The following ATP8B2 variants were observed in gnomAD, a reference collection of about 807,000 sequenced individuals.
The protein encoded by ATP8B2 is ATPase phospholipid transporting 8B2.
In ATP8B2, 70 loss-of-function variants were observed where a neutral mutation model predicts 133.4. That is an observed-to-expected ratio of 0.52 (90% CI 0.43 to 0.64). The LOEUF is 0.64. Ranked by LOEUF, ATP8B2 falls within the 30% of genes least tolerant of loss-of-function variation. The pLI, the probability that ATP8B2 is intolerant of heterozygous loss-of-function variation, is 0.00. For missense variants in ATP8B2, 1,101 were observed against 1,535.7 expected (o/e 0.72, Z 4.73); for synonymous variants, 517 against 589.5 (o/e 0.88, Z 1.78).
At chr1:154,329,900 C>A (rs1016175096) in intron 2 of ATP8B2, among the ~76,000 whole-genome samples, 1 of 152,158 alleles carries the variant, frequency 6.6e-6, no homozygotes, top group African/African-American at 2.4e-5. Context: ...TCCCGCAGAG[C>A]AGCTCCAGGG....
In ATP8B2 at chr1:154,346,299, C is replaced by T; in HGVS notation, c.2847C>T (p.Phe949=). 1.9e-6 allele frequency: 3 copies of T among 1,614,192 alleles called. No individual in the cohort carries two copies. The highest frequency in any genetic ancestry group is 2.5e-6 in the Non-Finnish European group (3 of 1,180,036). ...LYEPGQLNLL[F]NKREFFICIA... ...AGCCGGGCCAGCTGAACCTTCTCTT[C>T]AACAAGCGGGAGTTCTTCATCTGCA... Residue 949 remains phenylalanine (F), a synonymous_variant, in exon 25 of 28, where the codon TTC becomes TTT. Transcript: ENST00000368489. This position sits in a 1 kb window ranked among gnomAD's most constrained non-coding sequence, Gnocchi z 4.5.
chr1:154,328,727 C>T lies in ATP8B2; in HGVS notation c.31+555C>T, dbSNP rs1360996257. 3.3e-6 allele frequency: 3 copies of T among 903,202 alleles called. No individual in the cohort carries two copies. The highest frequency in any genetic ancestry group is 2.7e-6 in the Non-Finnish European group (2 of 754,228). 55.9% of individuals were successfully genotyped at this position (903,202 alleles called of 1,614,324 possible). ...GGGGCGGAACCCTGGGCGTGCTCGG[C>T]GTGTCCGGGGCCACTCAGCGCACGC... is the stretch of plus-strand genomic sequence containing the variant. On this transcript the variant is annotated intron_variant, in intron 2 of 27. Coordinates refer to ENST00000368489, the MANE Select transcript of ATP8B2 (RefSeq NM_001370597.1). This position sits in a 1 kb window ranked among gnomAD's most constrained non-coding sequence, Gnocchi z 4.6.
Position 154,330,869 on chromosome 1 carries a change from C to T in ATP8B2, c.145C>T (p.Leu49Phe), listed in dbSNP as rs146860968. Reference protein sequence around the residue: ...YNILTFLPVNLFEQFQEVANT... With the variant: ...YNILTFLPVNFFEQFQEVANT... ...TATTCTCACCTTCCTGCCTGTCAAC[C>T]TCTTTGAGCAGTTCCAGGAAGTTGC... is the stretch of plus-strand genomic sequence containing the variant. The change falls in exon 4 of 28, where the codon CTC becomes TTC. Residue 49 changes from leucine (L) to phenylalanine (F), a missense_variant. Leu to Phe is a conservative substitution (Grantham distance 22). Transcript: ENST00000368489. The T allele has an allele frequency of 7.9e-4, 1,274 of 1,614,186 alleles. No homozygotes were observed. The highest frequency in any genetic ancestry group is 1.0e-3 in the Non-Finnish European group (1,209 of 1,180,028).
intron 12 of ATP8B2, chr1:154,337,786 A>G: frequency 1.4e-6 from 2 of 1,416,290 alleles, no homozygotes; most frequent in Non-Finnish European, 1.9e-6. Flanking sequence ...TATTTATTAC[A>G]TGCCTACTGT....
chr1:154,342,798 G>A lies in ATP8B2; in HGVS notation c.1290G>A (p.Arg430=). The A allele has an allele frequency of 6.2e-7, 1 of 1,614,078 alleles. No homozygotes were observed. Among genetic ancestry groups the A allele is most frequent in the Non-Finnish European group, 8.5e-7 (1 of 1,179,980 alleles). The change falls in exon 15 of 28, where the codon AGG becomes AGA. Residue 430 remains arginine, a splice_region_variant and synonymous_variant. Coordinates refer to ENST00000368489, the MANE Select transcript of ATP8B2 (RefSeq NM_001370597.1). ...AAGAGCCTTCTTATGTGTTTCAGAG[G>A]CCTGAACCTGTTGACTTCTCCTTCA... ...VLGHKAELGE[R]PEPVDFSFNP...
Position 154,330,454 on chromosome 1 carries a change from G to C in ATP8B2, c.90G>C (p.Ala30=). The part of the protein sequence containing the change: ...DREYNEKFQY[A]SNCIKTSKYN... ...AATACAATGAGAAATTCCAGTATGC[G>C]GTAAGCGACTCTAGACCACCTGTTC... The change falls in exon 3 of 28, where the codon GCG becomes GCC. Residue 30 remains alanine, a splice_region_variant and synonymous_variant. Coordinates refer to ENST00000368489, the MANE Select transcript of ATP8B2 (RefSeq NM_001370597.1). 6.2e-7 allele frequency: 1 copy of C among 1,613,654 alleles called. No homozygotes were observed. Among genetic ancestry groups the C allele is most frequent in the Non-Finnish European group, 8.5e-7 (1 of 1,179,678 alleles).
In ATP8B2 at chr1:154,346,838, AT is replaced by A. The variant is rs759626992; in HGVS notation, c.3163+82del. ...AACAGGACCATCAGCTAATCTGCACATTCAACATTTCTTATGTGCCAAGTAT... is the reference window on the plus strand; with the variant it reads ...AACAGGACCATCAGCTAATCTGCACATCAACATTTCTTATGTGCCAAGTAT... On this transcript the variant is annotated intron_variant, in intron 26 of 27. Transcript: ENST00000368489. This position sits in a 1 kb window ranked among gnomAD's most constrained non-coding sequence, Gnocchi z 4.5. 1.3e-5 allele frequency: 19 copies of A among 1,462,074 alleles called. No homozygotes were observed. The highest frequency in any genetic ancestry group is 1.8e-5 in the Non-Finnish European group (19 of 1,070,122). The allele number at this position is 1,462,074 out of a possible 1,614,324, so 90.6% of individuals were successfully genotyped here.
In ATP8B2 at chr1:154,337,527, C is replaced by G; in HGVS notation, c.1017C>G (p.Pro339=). The G allele has an allele frequency of 1.2e-6, 2 of 1,614,196 alleles. No homozygotes were observed. Among genetic ancestry groups the G allele is most frequent in the South Asian group, 2.2e-5 (2 of 91,080 alleles). ...SYIIILNTVV[P]ISLYVSVEVI... ...TCATCATCCTCAACACCGTTGTGCC[C>G]ATTTCACTCTATGTCAGGTATGTGC... The change falls in exon 12 of 28, where the codon CCC becomes CCG. Residue 339 remains proline (P), a synonymous_variant. Transcript: ENST00000368489.
At position 154,343,029 on chromosome 1, in the gene ATP8B2, A is replaced by G. The variant is rs1686439136; in HGVS notation, c.1453+68A>G. The G allele has an allele frequency of 5.0e-6, 8 of 1,599,518 alleles. No individual in the cohort carries two copies. The highest frequency in any genetic ancestry group is 6.0e-6 in the Non-Finnish European group (7 of 1,171,552). On this transcript the variant is annotated intron_variant, in intron 15 of 27. Transcript: ENST00000368489. The surrounding 1 kb of genome is among the most constrained non-coding windows in gnomAD (Gnocchi z 5.8). The stretch of plus-strand genomic sequence containing the variant: ...CCCTTGGGCTCTGCTCTGCTCTGCA[A>G]TGCGGCTGGGCTGGGGCTTCCTGGG...
In ATP8B2 at chr1:154,325,716, A is replaced by AG. The variant is rs1310354310; in HGVS notation, c.-38+16dup. The AG allele has an allele frequency of 6.5e-6, 1 of 152,768 alleles. No homozygotes were observed. Among genetic ancestry groups the AG allele is most frequent in the Admixed American group, 6.5e-5 (1 of 15,278 alleles). 9.5% of individuals were successfully genotyped at this position (152,768 alleles called of 1,614,324 possible). On this transcript the variant is annotated intron_variant, in intron 1 of 27. Coordinates refer to ENST00000368489, the MANE Select transcript of ATP8B2 (RefSeq NM_001370597.1). ...CTGAGCGCTGAGGTGAGGCGAGGCG[A>AG]GGCGAAGCGGGGGCGCCCGGGAGCG...
chr1:154,330,226 G>A (rs371376522), intron 2 of ATP8B2, among the ~76,000 whole-genome samples, 170 bp from the exon 3 acceptor site: 16 of 152,232 alleles, frequency 1.1e-4, no homozygotes, highest in African/African-American at 3.6e-4. Flanking sequence ...GAGCCGTGTG[G>A]TCAGGCTGCT....
At chr1:154,348,760 G>C in intron 27 of ATP8B2, 80 bp from the exon 28 acceptor site, 1 of 1,457,156 alleles carries the variant, frequency 6.9e-7, no homozygotes, top group Non-Finnish European at 9.1e-7. Flanking sequence ...GCCTGGTCCC[G>C]GGTGCTGTGG....
Position 154,328,268 on chromosome 1 carries a change from C to G in ATP8B2, c.31+96C>G, listed in dbSNP as rs12750016. Reference sequence around the variant, plus strand: ...AGGAAAAGGGACAACTGGTATGGGTCTGAGGGAGGGTAGCTTACAGCAGCC... The same window carrying G: ...AGGAAAAGGGACAACTGGTATGGGTGTGAGGGAGGGTAGCTTACAGCAGCC... On this transcript the variant is annotated intron_variant, in intron 2 of 27. Coordinates refer to ENST00000368489, the MANE Select transcript of ATP8B2 (RefSeq NM_001370597.1). The surrounding 1 kb of genome is among the most constrained non-coding windows in gnomAD (Gnocchi z 4.6). 7.5e-7 allele frequency: 1 copy of G among 1,335,570 alleles called. No homozygotes were observed. The highest frequency in any genetic ancestry group is 1.1e-6 in the Non-Finnish European group (1 of 930,318). 82.7% of individuals were successfully genotyped at this position (1,335,570 alleles called of 1,614,324 possible).
chr1:154,348,708 C>T lies in ATP8B2; in HGVS notation c.3295-132C>T, dbSNP rs975405111. 5 of 1,377,106 alleles carry T rather than the reference C, an allele frequency of 3.6e-6. No homozygotes were observed. The African/African-American group carries it at 8.7e-5, about 24-fold the overall frequency. The allele number at this position is 1,377,106 out of a possible 1,614,324, so 85.3% of individuals were successfully genotyped here. On this transcript the variant is annotated intron_variant, in intron 27 of 27. Coordinates refer to ENST00000368489, the MANE Select transcript of ATP8B2 (RefSeq NM_001370597.1). ...CAGCTGGCCACAGAGGCCTCTGCGT[C>T]AGCCTGGTCCCAGGTGCTGTGGGTC... is the stretch of plus-strand genomic sequence containing the variant.
Position 154,345,472 on chromosome 1 carries a change from A to G in ATP8B2, c.2621A>G (p.Tyr874Cys), listed in dbSNP as rs1209548147. The G allele has an allele frequency of 2.4e-5, 38 of 1,613,976 alleles. No individual in the cohort carries two copies. Among genetic ancestry groups the G allele is most frequent in the Non-Finnish European group, 3.2e-5 (38 of 1,180,026 alleles). The change falls in exon 23 of 28, where the codon TAT becomes TGT. Residue 874 changes from tyrosine (Y) to cysteine (C), a missense_variant. Tyr to Cys is a radical substitution (Grantham distance 194, BLOSUM62 -2). Transcript: ENST00000368489. This position sits in a 1 kb window ranked among gnomAD's most constrained non-coding sequence, Gnocchi z 5.6. ...CTGCGAATGTGCAAGTTTCTTTGCT[A>G]TTTCTTCTACAAAAACTTTGCTTTC... Reference protein sequence around the residue: ...SYLRMCKFLCYFFYKNFAFTM... With the variant: ...SYLRMCKFLCCFFYKNFAFTM...
rs554128093 is a variant in ATP8B2 at position 154,328,543 on chromosome 1, G to GGT, written c.31+383_31+384dup. 6.7e-3 allele frequency among the ~76,000 whole-genome samples: 1,016 copies of GGT among 152,056 alleles called. 10 individuals are homozygous for GGT. Among genetic ancestry groups the GGT allele is most frequent in the African/African-American group, 0.023 (946 of 41,504 alleles). On this transcript the variant is annotated intron_variant, in intron 2 of 27. Coordinates refer to ENST00000368489, the MANE Select transcript of ATP8B2 (RefSeq NM_001370597.1). This position sits in a 1 kb window ranked among gnomAD's most constrained non-coding sequence, Gnocchi z 4.6. ...TTCTCCTGGTTTTTCCGCGGGCGGGGGTGTGTGTGTGTGAAAGCGGTTGCC... is the reference window on the plus strand; with the variant it reads ...TTCTCCTGGTTTTTCCGCGGGCGGGGGTGTGTGTGTGTGTGAAAGCGGTTGCC...
At chr1:154,325,923 T>A (rs1685773941) in intron 1 of ATP8B2, among the ~76,000 whole-genome samples, 1 of 151,228 alleles carries the variant, frequency 6.6e-6, no homozygotes, top group South Asian at 2.1e-4. Context: ...AGAGCGGGGG[T>A]CTGCGTACAG....
rs1013850973 is a variant in ATP8B2, at chr1:154,343,032, C to T, written c.1453+71C>T. ...TTGGGCTCTGCTCTGCTCTGCAATG[C>T]GGCTGGGCTGGGGCTTCCTGGGCGG... is the stretch of plus-strand genomic sequence containing the variant. On this transcript the variant is annotated intron_variant, in intron 15 of 27. Transcript: ENST00000368489. This position sits in a 1 kb window ranked among gnomAD's most constrained non-coding sequence, Gnocchi z 5.8. 2.3e-5 allele frequency: 37 copies of T among 1,596,518 alleles called. No individual in the cohort carries two copies. Among genetic ancestry groups the T allele is most frequent in the Middle Eastern group, 1.7e-4 (1 of 5,894 alleles).
chr1:154,343,761 A>G lies in ATP8B2; in HGVS notation c.1759-132A>G, dbSNP rs1437807125. 1 of 1,161,106 alleles carries G rather than the reference A, an allele frequency of 8.6e-7. No homozygotes were observed. Among genetic ancestry groups the G allele is most frequent in the Non-Finnish European group, 1.2e-6 (1 of 827,584 alleles). The allele number at this position is 1,161,106 out of a possible 1,614,324, so 71.9% of individuals were successfully genotyped here. A position where few individuals can be genotyped will look rare whatever the true frequency, so the allele number is the denominator to read the frequency against. ...CTCCCATAGTTACCTCTTTTTATGT[A>G]TGTGGTGACAGTCCCTAACTGTGGA... On this transcript the variant is annotated intron_variant, in intron 17 of 27. Coordinates refer to ENST00000368489, the MANE Select transcript of ATP8B2 (RefSeq NM_001370597.1). This position sits in a 1 kb window ranked among gnomAD's most constrained non-coding sequence, Gnocchi z 5.8.
Sources: gnomAD v4.1 joint callset for allele counts (sites outside exome capture counted in the v4.1 genomes callset) on GRCh38, gnomAD v4.1.1 for gene constraint, Gnocchi (gnomAD v3.1) non-coding constraint, MANE v1.5 for transcripts, NCBI Gene and HGNC (gene_info 2026-07-23, HGNC 2026-07-21) for gene names.